PTPRN2: variants seen among roughly 807,000 people sequenced by gnomAD.
PTPRN2 encodes receptor-type tyrosine-protein phosphatase N2.
Under a neutral mutation model 118.8 loss-of-function variants are expected in PTPRN2, and 74 were observed. The ratio of observed to expected loss-of-function variants is 0.62; its 90% CI spans 0.52 to 0.76. The LOEUF (loss-of-function observed/expected upper bound fraction) is 0.76, where lower values mean the gene tolerates loss of function less well. Ranked by LOEUF, PTPRN2 falls within the 30% of genes least tolerant of loss-of-function variation. The probability of loss-of-function intolerance (pLI) is 0.00; values close to 1 mark genes in which losing one functional copy is unlikely to be tolerated. For synonymous variants in PTPRN2, 641 were observed against 608.0 expected (o/e 1.05, Z -0.80); for missense variants, 1,481 against 1,394.4 (o/e 1.06, Z -0.99).
At chr7:158,179,917 A>G (rs978436815) in intron 5 of PTPRN2, among the ~76,000 whole-genome samples, 8 of 152,130 alleles carry the variant, frequency 5.3e-5, no homozygotes, top group Non-Finnish European at 1.0e-4. Flanking sequence ...ACCACTCTTA[A>G]CCCTCATGTA....
At chr7:157,853,243 A>G (rs35428989) in intron 12 of PTPRN2, among the ~76,000 whole-genome samples, 29,887 of 151,960 alleles carry the variant, frequency 0.2, 3,074 homozygotes, top group East Asian at 0.31. Flanking sequence ...ATGGAGACCC[A>G]GAGGCTCACG....
rs1810880067 is a variant in PTPRN2, at chr7:157,868,829, G to C, written c.1788+29844C>G. 1.3e-5 allele frequency: 2 copies of C among 152,222 alleles called. No homozygotes were observed. Among genetic ancestry groups the C allele is most frequent in the Admixed American group, 1.3e-4 (2 of 15,278 alleles). 9.4% of individuals were successfully genotyped at this position (152,222 alleles called of 1,614,324 possible). On this transcript the variant is annotated intron_variant, in intron 12 of 22. Transcript: ENST00000389418. This position sits in a 1 kb window ranked among gnomAD's most constrained non-coding sequence, Gnocchi z 5.2. ...TGGAAAATTCTGCTTGATCATCTGA[G>C]ATGCCACCTCAGTCTTGGGGAACTC... is the stretch of plus-strand genomic sequence containing the variant.
chr7:158,508,421 G>A (rs950929811), intron 1 of PTPRN2, among the ~76,000 whole-genome samples: 5 of 152,170 alleles, frequency 3.3e-5, no homozygotes, highest in African/African-American at 1.2e-4. Context: ...GAGGATGCAT[G>A]GATCATCAGG....
At chr7:158,072,742 G>A (rs74584958) in intron 11 of PTPRN2, among the ~76,000 whole-genome samples, 2,449 of 152,306 alleles carry the variant, frequency 0.016, 75 homozygotes, top group African/African-American at 0.056. Flanking sequence ...CTGCCAAGGG[G>A]TTTGTGCCAC....
intron 3 of PTPRN2, among the ~76,000 whole-genome samples, chr7:158,273,611 C>CAT (rs1374491700): frequency 4.2e-5 from 2 of 47,872 alleles, no homozygotes; most frequent in Non-Finnish European, 6.8e-5. Flanking sequence ...GCCGCAGACA[C>CAT]GGGGAGCCGC....
Position 158,445,011 on chromosome 7 carries a change from G to A in PTPRN2, c.163+44724C>T, listed in dbSNP as rs10223939. Among the ~76,000 whole-genome samples the A allele has an allele frequency of 1.7e-3, 262 of 152,314 alleles. 2 individuals carry two copies. The highest frequency in any genetic ancestry group is 5.6e-3 in the African/African-American group (232 of 41,570). On this transcript the variant is annotated intron_variant, in intron 2 of 22. Transcript: ENST00000389418. ...GCAAGCCCACCACAGCGTGTGGACC[G>A]TGAGACCTGCCACCGTGACTTCTCC...
chr7:158,060,884 G>A (rs538024339), intron 11 of PTPRN2, among the ~76,000 whole-genome samples: 10 of 152,344 alleles, frequency 6.6e-5, no homozygotes, highest in South Asian at 6.2e-4. Context: ...TGTTTGAATC[G>A]AAAGTTTCCT....
chr7:157,993,982 T>G (rs1804455175), intron 11 of PTPRN2, among the ~76,000 whole-genome samples: 1 of 152,174 alleles, frequency 6.6e-6, no homozygotes, highest in Non-Finnish European at 1.5e-5. Flanking sequence ...ACTGCCTAAT[T>G]TCAAAATGCA....
At chr7:158,178,330 T>C (rs1407558498) in intron 5 of PTPRN2, among the ~76,000 whole-genome samples, 2 of 152,054 alleles carry the variant, frequency 1.3e-5, no homozygotes, top group African/African-American at 4.8e-5. Flanking sequence ...AATATGTAGG[T>C]TTTTTTATCC....
At chr7:158,171,250 C>CACACATATAT (rs1349687458) in intron 5 of PTPRN2, among the ~76,000 whole-genome samples, 1 of 46,546 alleles carries the variant, frequency 2.1e-5, no homozygotes. Context: ...CACATATATA[C>CACACATATAT]ACACATATAT....
rs543595577 is a variant in PTPRN2 at position 157,687,453 on chromosome 7, G to T, written c.1789-4516C>A. 8.5e-5 allele frequency among the ~76,000 whole-genome samples: 13 copies of T among 152,298 alleles called. No individual in the cohort carries two copies. In the South Asian group the frequency reaches 2.7e-3, roughly 32 times the overall value. On this transcript the variant is annotated intron_variant, in intron 12 of 22. Coordinates refer to ENST00000389418, the MANE Select transcript of PTPRN2 (RefSeq NM_002847.5). Reference sequence around the variant, plus strand: ...TAAAATATGCTTGCATCATAAAGACGTAGGGATACAGGTGCTCGGTGCCAG... The same window carrying T: ...TAAAATATGCTTGCATCATAAAGACTTAGGGATACAGGTGCTCGGTGCCAG...
chr7:158,133,254 C>T (rs1465752071), intron 9 of PTPRN2, among the ~76,000 whole-genome samples: 1 of 152,174 alleles, frequency 6.6e-6, no homozygotes, highest in Non-Finnish European at 1.5e-5. Context: ...TCCAGGGCCG[C>T]GTCCCATCCC....
intron 12 of PTPRN2, among the ~76,000 whole-genome samples, chr7:157,838,075 G>A (rs997132445): frequency 6.0e-5 from 9 of 150,838 alleles, no homozygotes; most frequent in African/African-American, 2.2e-4. Context: ...TCTCATAGTG[G>A]ATGGTACGGG....
chr7:158,291,579 C>T (rs1188523518), intron 3 of PTPRN2, among the ~76,000 whole-genome samples: 1 of 152,160 alleles, frequency 6.6e-6, no homozygotes, highest in African/African-American at 2.4e-5. Context: ...AAATAGAGTT[C>T]TGTGGCAAGA....
Position 158,340,817 on chromosome 7 carries a change from T to C in PTPRN2, c.164-23885A>G, listed in dbSNP as rs1473426014. On this transcript the variant is annotated intron_variant, in intron 2 of 22. Coordinates refer to ENST00000389418, the MANE Select transcript of PTPRN2 (RefSeq NM_002847.5). ...CAGACGTCACTCACACCCACACATGTCACTCACACCCACACTCTCACCATA... is the reference window on the plus strand; with the variant it reads ...CAGACGTCACTCACACCCACACATGCCACTCACACCCACACTCTCACCATA... Among the ~76,000 whole-genome samples, 2 of 80,518 alleles carry C rather than the reference T, an allele frequency of 2.5e-5. 1 individual carries two copies. The highest frequency in any genetic ancestry group is 5.0e-5 in the Non-Finnish European group (2 of 39,628). 52.8% of individuals were successfully genotyped at this position (80,518 alleles called of 152,430 possible).
intron 12 of PTPRN2, among the ~76,000 whole-genome samples, chr7:157,746,483 A>C: frequency 6.8e-6 from 1 of 146,072 alleles, no homozygotes; most frequent in Admixed American, 6.8e-5. Context: ...CTGAGCAAGG[A>C]GATCACGGGA....
chr7:157,680,453 C>T (rs71538040), intron 13 of PTPRN2, among the ~76,000 whole-genome samples: 15,090 of 152,282 alleles, frequency 0.099, 998 homozygotes, highest in Non-Finnish European at 0.15. Flanking sequence ...GATATGGATA[C>T]GTTAATGAAT....
rs140655361 is a variant in PTPRN2 at position 158,178,008 on chromosome 7, C to T, written c.550-10717G>A. 1.7e-3 allele frequency among the ~76,000 whole-genome samples: 258 copies of T among 152,286 alleles called. 2 individuals carry two copies. Among genetic ancestry groups the T allele is most frequent in the African/African-American group, 5.9e-3 (247 of 41,546 alleles). On this transcript the variant is annotated intron_variant, in intron 5 of 22. Transcript: ENST00000389418. ...CATATGAGAGGTCCAGCTCCTCCAC[C>T]TCCTTGCCAATACATAGGATGGTCA... is the stretch of plus-strand genomic sequence containing the variant.
intron 11 of PTPRN2, among the ~76,000 whole-genome samples, chr7:158,049,309 C>A (rs1328622177): frequency 6.6e-6 from 1 of 152,200 alleles, no homozygotes; most frequent in Non-Finnish European, 1.5e-5. Context: ...CCAGCCATCT[C>A]CACTCCCGAT....
Sources: gnomAD v4.1 joint callset for allele counts (sites outside exome capture counted in the v4.1 genomes callset) on GRCh38, gnomAD v4.1.1 for gene constraint, Gnocchi (gnomAD v3.1) non-coding constraint, MANE v1.5 for transcripts, NCBI Gene and HGNC (gene_info 2026-07-23, HGNC 2026-07-21) for gene names.